SRPK1: variants seen among roughly 807,000 people sequenced by gnomAD.
SRPK1 encodes the protein SFRS protein kinase 1.
Under a neutral mutation model 89.5 loss-of-function variants are expected in SRPK1, and 52 were observed. The observed-to-expected ratio is 0.58, with a 90% CI of 0.46 to 0.73. The LOEUF is 0.73. Among genes scored for constraint, SRPK1 ranks in the 30% least tolerant of loss-of-function variants. SRPK1 has a pLI of 0.00. For synonymous variants in SRPK1, 255 were observed against 270.2 expected, an observed-to-expected ratio of 0.94 and a Z score of 0.55; for missense variants, 603 against 780.6, an observed-to-expected ratio of 0.77 and a Z score of 2.71.
At chr6:35,880,746 A>AAAAGAAAGAAAGAAAGAAAG (rs1770263740) in intron 6 of SRPK1, among the ~76,000 whole-genome samples, 3 of 89,226 alleles carry the variant, frequency 3.4e-5, no homozygotes, top group African/African-American at 1.4e-4. Flanking sequence ...AAAAAAAAAA[A>AAAAGAAAGAAAGAAAGAAAG]AAAAGAAAAG....
intron 13 of SRPK1, among the ~76,000 whole-genome samples, chr6:35,852,832 C>A (rs1432704942): frequency 7.9e-5 from 12 of 152,158 alleles, no homozygotes; most frequent in Non-Finnish European, 1.5e-5. Flanking sequence ...TACTGAAACA[C>A]CTGACCAAGA....
intron 2 of SRPK1, among the ~76,000 whole-genome samples, chr6:35,914,244 T>C (rs570930646): frequency 6.6e-6 from 1 of 152,290 alleles, no homozygotes; most frequent in African/African-American, 2.4e-5. Flanking sequence ...CCCAAAGTGC[T>C]GGGATTACAG....
intron 12 of SRPK1, among the ~76,000 whole-genome samples, chr6:35,865,363 C>T (rs1040429485): frequency 9.9e-5 from 15 of 152,020 alleles, no homozygotes; most frequent in African/African-American, 3.6e-4. Context: ...TTAAAACAAT[C>T]ACACTATCCA....
intron 12 of SRPK1, among the ~76,000 whole-genome samples, chr6:35,865,341 T>C (rs1029247324): frequency 6.6e-6 from 1 of 151,844 alleles, no homozygotes; most frequent in African/African-American, 2.4e-5. Flanking sequence ...AAATTAAAAA[T>C]TAAAAAAAAT....
intron 2 of SRPK1, among the ~76,000 whole-genome samples, chr6:35,903,157 T>G (rs1424771959): frequency 6.6e-6 from 1 of 150,840 alleles, no homozygotes; most frequent in African/African-American, 2.4e-5. Context: ...AAAGATAGGG[T>G]TGCCTACAAG....
chr6:35,920,485 C>T lies in SRPK1; in HGVS notation c.57G>A (p.Lys19=), dbSNP rs375566508. The T allele has an allele frequency of 2.0e-5, 32 of 1,613,340 alleles. No homozygotes were observed. Among genetic ancestry groups the T allele is most frequent in the Admixed American group, 8.3e-5 (5 of 60,002 alleles). Residue 19 remains lysine (K), a synonymous_variant, in exon 2 of 16, where the codon AAG becomes AAA. Coordinates refer to ENST00000373825, the MANE Select transcript of SRPK1 (RefSeq NM_003137.5). ...QARKKRTKAK[K]DKAQRKSETQ... ...AGACTCACTTCCTTTGGGCTTTGTC[C>T]TTCTTGGCCTTGGTCCTTTTCTTTC... is the stretch of plus-strand genomic sequence containing the variant.
chr6:35,880,968 C>T (rs1416436147), intron 6 of SRPK1, among the ~76,000 whole-genome samples: 1 of 151,832 alleles, frequency 6.6e-6, no homozygotes, highest in Non-Finnish European at 1.5e-5. Context: ...TCTTCACATA[C>T]AAGGGATCCT....
At chr6:35,880,772 G>A (rs569544492) in intron 6 of SRPK1, among the ~76,000 whole-genome samples, 53 of 84,530 alleles carry the variant, frequency 6.3e-4, no homozygotes, top group African/African-American at 2.7e-3. Flanking sequence ...AAGAAGAAAT[G>A]GCCAGACAGA....
chr6:35,860,923 C>T (rs115645685), intron 12 of SRPK1, among the ~76,000 whole-genome samples: 4,949 of 152,042 alleles, frequency 0.033, 97 homozygotes, highest in Middle Eastern at 0.065. Flanking sequence ...AGGAGTTGTA[C>T]GTGAAGAGGA....
intron 13 of SRPK1, among the ~76,000 whole-genome samples, chr6:35,844,901 A>G (rs780435185): frequency 6.6e-6 from 1 of 152,150 alleles, no homozygotes; most frequent in Non-Finnish European, 1.5e-5. Flanking sequence ...ACACAGAGCC[A>G]GCCGCGGCAG....
intron 2 of SRPK1, among the ~76,000 whole-genome samples, chr6:35,901,528 C>T (rs569051870): frequency 6.6e-6 from 1 of 152,252 alleles, no homozygotes; most frequent in African/African-American, 2.4e-5. Context: ...GTTGTTTAGC[C>T]ACCCAGTTTT....
chr6:35,846,679 G>T (rs915319026), intron 13 of SRPK1, among the ~76,000 whole-genome samples: 1 of 151,950 alleles, frequency 6.6e-6, no homozygotes, highest in African/African-American at 2.4e-5. Context: ...CAACAGATTG[G>T]ATAACCCAGA....
chr6:35,919,736 T>C (rs1027769658), intron 2 of SRPK1, among the ~76,000 whole-genome samples: 1 of 152,238 alleles, frequency 6.6e-6, no homozygotes, highest in African/African-American at 2.4e-5. Context: ...TGCATCCTAC[T>C]GATAAAACTG....
intron 2 of SRPK1, among the ~76,000 whole-genome samples, chr6:35,902,615 T>C (rs1770767570): frequency 6.6e-6 from 1 of 152,118 alleles, no homozygotes. Flanking sequence ...CAACTTGAAC[T>C]GAAAAGTCAA....
intron 2 of SRPK1, among the ~76,000 whole-genome samples, chr6:35,919,667 G>A (rs1437448078): frequency 3.3e-5 from 5 of 152,180 alleles, no homozygotes; most frequent in Admixed American, 6.5e-5. Flanking sequence ...TGCTACCTGA[G>A]TTTCTACTAG....
intron 6 of SRPK1, among the ~76,000 whole-genome samples, chr6:35,875,394 T>C (rs1770134501): frequency 6.6e-6 from 1 of 152,128 alleles, no homozygotes; most frequent in African/African-American, 2.4e-5. Flanking sequence ...TTTTGTATTT[T>C]TAGTACAGAT....
chr6:35,892,653 AAACAACAACAACAACAAC>A (rs34158380), intron 2 of SRPK1, among the ~76,000 whole-genome samples: 1 of 148,418 alleles, frequency 6.7e-6, no homozygotes, highest in African/African-American at 2.5e-5. Flanking sequence ...TTCTGTCTAA[AAACAACAACAACAACAAC>A]AACAACAACA....
intron 2 of SRPK1, among the ~76,000 whole-genome samples, chr6:35,907,705 CA>C (rs947993168): frequency 3.9e-5 from 5 of 128,816 alleles, no homozygotes; most frequent in African/African-American, 8.6e-5. Context: ...AACTCCGTCT[CA>C]AAAAATAAAA....
intron 13 of SRPK1, among the ~76,000 whole-genome samples, chr6:35,854,715 T>TA (rs760041523): frequency 3.4e-4 from 44 of 130,872 alleles, no homozygotes; most frequent in Admixed American, 5.3e-4. Flanking sequence ...AAATGTGGAA[T>TA]AAAAAAAAAA....
Sources: gnomAD v4.1 joint callset for allele counts (sites outside exome capture counted in the v4.1 genomes callset) on GRCh38, gnomAD v4.1.1 for gene constraint, MANE v1.5 for transcripts, NCBI Gene and HGNC (gene_info 2026-07-23, HGNC 2026-07-21) for gene names.